CDH12: variants seen among roughly 807,000 people sequenced by gnomAD.
CDH12 encodes cadherin 12.
CDH12 carries 41 observed loss-of-function variants against 74.1 expected under a neutral mutation model. That is an observed-to-expected ratio of 0.55 (90% CI 0.43 to 0.72). CDH12 has a LOEUF of 0.72. Among genes scored for constraint, CDH12 ranks in the 30% least tolerant of loss-of-function variants. CDH12 has a pLI of 0.00. For missense variants in CDH12, 945 were observed against 977.2 expected, an observed-to-expected ratio of 0.97 and a Z score of 0.44; for synonymous variants, 399 against 355.0, an observed-to-expected ratio of 1.12 and a Z score of -1.39.
intron 4 of CDH12, among the ~76,000 whole-genome samples, chr5:22,148,232 T>A (rs958889944): frequency 6.6e-6 from 1 of 152,206 alleles, no homozygotes; most frequent in African/African-American, 2.4e-5. Context: ...ATGTCCCAAC[T>A]GCTCCCTCTA....
chr5:22,459,398 T>G (rs1444317902), intron 2 of CDH12, among the ~76,000 whole-genome samples: 1 of 152,276 alleles, frequency 6.6e-6, no homozygotes, highest in South Asian at 2.1e-4. Flanking sequence ...AATTTTTGTT[T>G]AGCTATCTTA....
chr5:22,723,095 G>A (rs1743982282), intron 1 of CDH12, among the ~76,000 whole-genome samples: 1 of 152,126 alleles, frequency 6.6e-6, no homozygotes, highest in Admixed American at 6.5e-5. Flanking sequence ...TGTAAAAAAT[G>A]TAATTGCTAA....
At chr5:21,883,983 A>T in intron 6 of CDH12, 2 of 1,584,716 alleles carry the variant, frequency 1.3e-6, no homozygotes, top group Non-Finnish European at 1.7e-6. Context: ...AAAAATTGGT[A>T]TGGAAATTAT....
intron 4 of CDH12, among the ~76,000 whole-genome samples, chr5:22,158,521 A>G (rs1177101388): frequency 3.3e-5 from 5 of 152,044 alleles, no homozygotes; most frequent in Non-Finnish European, 7.4e-5. Flanking sequence ...CACATAATGA[A>G]AGATTAATTT....
intron 1 of CDH12, among the ~76,000 whole-genome samples, chr5:22,544,814 CA>C (rs754866925): frequency 0.024 from 3,126 of 129,698 alleles, 49 homozygotes; most frequent in Non-Finnish European, 0.034. Flanking sequence ...GAGACTCTGT[CA>C]AAAAAAAAAA....
rs572010644 is a variant in CDH12, at chr5:21,829,112, T to C, written c.815-11980A>G. 2.0e-5 allele frequency among the ~76,000 whole-genome samples: 3 copies of C among 152,274 alleles called. No homozygotes were observed. The South Asian group carries it at 6.2e-4, about 32-fold the overall frequency. The stretch of plus-strand genomic sequence containing the variant: ...GAGTCTGAGGCCAGCCTGGCCAACA[T>C]GGCAAAGCCCTGTCTCTACTAAAAA... On this transcript the variant is annotated intron_variant, in intron 8 of 14. Transcript: ENST00000382254.
intron 8 of CDH12, among the ~76,000 whole-genome samples, chr5:21,835,142 A>C (rs1415408724): frequency 3.9e-5 from 6 of 151,902 alleles, no homozygotes; most frequent in Non-Finnish European, 8.8e-5. Flanking sequence ...AGAGAGGCAT[A>C]TAATTTACTC....
chr5:21,972,970 G>C (rs1330874233), intron 6 of CDH12, among the ~76,000 whole-genome samples: 2 of 151,190 alleles, frequency 1.3e-5, no homozygotes, highest in African/African-American at 4.9e-5. Context: ...GGGAAGCCAA[G>C]GTGGAGGGAT....
intron 1 of CDH12, among the ~76,000 whole-genome samples, chr5:22,726,154 AGAGT>A (rs1744152923): frequency 6.6e-6 from 1 of 151,788 alleles, no homozygotes; most frequent in African/African-American, 2.4e-5. Flanking sequence ...AATATCATAC[AGAGT>A]ATTTCCACTA....
At chr5:21,948,248 T>A (rs1435171101) in intron 6 of CDH12, among the ~76,000 whole-genome samples, 1 of 152,048 alleles carries the variant, frequency 6.6e-6, no homozygotes, top group East Asian at 1.9e-4. Context: ...GAATGGAAGA[T>A]CCACCAACAG....
intron 1 of CDH12, among the ~76,000 whole-genome samples, chr5:22,829,878 GATACAGCA>G (rs1243501693): frequency 6.6e-6 from 1 of 152,144 alleles, no homozygotes; most frequent in Non-Finnish European, 1.5e-5. Flanking sequence ...GATGGTCTAT[GATACAGCA>G]ATATTATGAC....
intron 3 of CDH12, among the ~76,000 whole-genome samples, chr5:22,355,588 T>A (rs958954333): frequency 6.6e-6 from 1 of 151,576 alleles, no homozygotes; most frequent in African/African-American, 2.4e-5. Flanking sequence ...GCAATATCTT[T>A]TAAAAAGAAC....
intron 1 of CDH12, among the ~76,000 whole-genome samples, chr5:22,733,988 C>G (rs1744562169): frequency 6.6e-6 from 1 of 151,926 alleles, no homozygotes; most frequent in Non-Finnish European, 1.5e-5. Flanking sequence ...CATCCTCCAG[C>G]CAGGATTGAA....
intron 1 of CDH12, among the ~76,000 whole-genome samples, chr5:22,654,916 C>A (rs1739955579): frequency 6.6e-6 from 1 of 152,180 alleles, no homozygotes; most frequent in Non-Finnish European, 1.5e-5. Flanking sequence ...CAGGCATGAG[C>A]CACTGTGCCG....
At chr5:22,298,468 AATG>A (rs1580496126) in intron 3 of CDH12, among the ~76,000 whole-genome samples, 1 of 152,072 alleles carries the variant, frequency 6.6e-6, no homozygotes, top group African/African-American at 2.4e-5. Flanking sequence ...TATTCCATAA[AATG>A]TGGCTTTCTA....
chr5:22,646,773 C>T (rs1369291436), intron 1 of CDH12, among the ~76,000 whole-genome samples: 2 of 151,894 alleles, frequency 1.3e-5, no homozygotes, highest in African/African-American at 4.8e-5. Flanking sequence ...CTTTATACCA[C>T]ACTAACATTT....
intron 1 of CDH12, among the ~76,000 whole-genome samples, chr5:22,563,504 A>G (rs1421233596): frequency 1.3e-5 from 2 of 152,110 alleles, no homozygotes. Flanking sequence ...TAGTTTGCAA[A>G]TATTTTCTCC....
intron 4 of CDH12, among the ~76,000 whole-genome samples, chr5:22,133,294 G>A (rs1185193282): frequency 6.6e-6 from 1 of 152,072 alleles, no homozygotes; most frequent in Non-Finnish European, 1.5e-5. Context: ...AACTTGGCAA[G>A]TTTGTCTTTC....
chr5:22,489,819 C>G (rs1209020998), intron 2 of CDH12, among the ~76,000 whole-genome samples: 1 of 151,164 alleles, frequency 6.6e-6, no homozygotes, highest in Non-Finnish European at 1.5e-5. Context: ...TCTGGATTAG[C>G]TGGAACTACA....
Sources: gnomAD v4.1 joint callset for allele counts (sites outside exome capture counted in the v4.1 genomes callset) on GRCh38, gnomAD v4.1.1 for gene constraint, MANE v1.5 for transcripts, NCBI Gene and HGNC (gene_info 2026-07-23, HGNC 2026-07-21) for gene names.